The following SIRPA variants were observed in gnomAD, a reference collection of about 807,000 sequenced individuals.
The protein encoded by SIRPA is signal regulatory protein alpha.
Under a neutral mutation model 50.3 loss-of-function variants are expected in SIRPA, and 9 were observed. The observed-to-expected ratio is 0.18, with a 90% CI of 0.11 to 0.31. SIRPA has a LOEUF of 0.31. Among genes scored for constraint, SIRPA ranks in the 10% least tolerant of loss-of-function variants. The pLI, the probability that SIRPA is intolerant of heterozygous loss-of-function variation, is 1.00. For synonymous variants in SIRPA, 265 were observed against 284.1 expected, an observed-to-expected ratio of 0.93 and a Z score of 0.68; for missense variants, 474 against 661.6, an observed-to-expected ratio of 0.72 and a Z score of 3.11.
At chr20:1,906,137 TATC>T (rs1025450887) in intron 1 of SIRPA, among the ~76,000 whole-genome samples, 7 of 152,064 alleles carry the variant, frequency 4.6e-5, no homozygotes, top group Admixed American at 6.5e-5. Context: ...CTAGTATTGT[TATC>T]ATCATCATCA....
intron 5 of SIRPA, among the ~76,000 whole-genome samples, chr20:1,925,472 A>C (rs1199726653): frequency 1.3e-5 from 2 of 152,232 alleles, no homozygotes; most frequent in African/African-American, 4.8e-5. Flanking sequence ...CAAGGTGCAT[A>C]GCCTTTGACT....
intron 1 of SIRPA, among the ~76,000 whole-genome samples, chr20:1,904,057 AAG>A (rs1485128508): frequency 6.6e-6 from 1 of 152,154 alleles, no homozygotes; most frequent in East Asian, 1.9e-4. Flanking sequence ...CCCCCTTTTA[AAG>A]AGGAGGCTTG....
chr20:1,926,043 C>T (rs1379507130), intron 5 of SIRPA, among the ~76,000 whole-genome samples: 1 of 152,232 alleles, frequency 6.6e-6, no homozygotes, highest in Non-Finnish European at 1.5e-5. Context: ...TTTCTGTGGC[C>T]TGGCACAGCT....
intron 1 of SIRPA, among the ~76,000 whole-genome samples, chr20:1,907,577 G>A (rs1984620691): frequency 1.3e-5 from 2 of 152,194 alleles, no homozygotes; most frequent in South Asian, 2.1e-4. Flanking sequence ...TAGCTCAGGG[G>A]CCACCAGCTC....
upstream of SIRPA, among the ~76,000 whole-genome samples, chr20:1,895,070 C>G (rs971776607): frequency 6.6e-6 from 1 of 151,062 alleles, no homozygotes; most frequent in African/African-American, 2.4e-5. Context: ...GGTCTGCGCG[C>G]CGCCTCGCTC....
chr20:1,934,893 C>T lies in SIRPA; in HGVS notation c.1266+139C>T. 4 of 910,330 alleles carry T rather than the reference C, an allele frequency of 4.4e-6. No individual in the cohort carries two copies. The highest frequency in any genetic ancestry group is 3.0e-5 in the South Asian group (2 of 67,248). The allele number at this position is 910,330 out of a possible 1,614,324, so 56.4% of individuals were successfully genotyped here. On this transcript the variant is annotated intron_variant, in intron 7 of 7. Coordinates refer to ENST00000358771, the MANE Select transcript of SIRPA (RefSeq NM_001040023.2). This position sits in a 1 kb window ranked among gnomAD's most constrained non-coding sequence, Gnocchi z 4.6. ...GAGGATCTTACACTCCTAGCTTTCCCCATGTCCTGTGCATATTCCTTCTCT... is the reference window on the plus strand; with the variant it reads ...GAGGATCTTACACTCCTAGCTTTCCTCATGTCCTGTGCATATTCCTTCTCT...
chr20:1,931,502 G>A (rs568539116), intron 6 of SIRPA, among the ~76,000 whole-genome samples: 3 of 152,236 alleles, frequency 2.0e-5, no homozygotes, highest in Non-Finnish European at 2.9e-5. Flanking sequence ...TTTCCAGCGT[G>A]AGCCTACCAA....
At chr20:1,908,760 T>G (rs561699815) in intron 1 of SIRPA, among the ~76,000 whole-genome samples, 1 of 152,364 alleles carries the variant, frequency 6.6e-6, no homozygotes, top group South Asian at 2.1e-4. Flanking sequence ...TCCGCTTTAA[T>G]GTACACTCAT....
In SIRPA at chr20:1,933,412, G is replaced by A. The variant is rs75729987; in HGVS notation, c.1227-1303G>A. Among the ~76,000 whole-genome samples, 7 of 104,900 alleles carry A rather than the reference G, an allele frequency of 6.7e-5. No individual in the cohort carries two copies. The highest frequency in any genetic ancestry group is 1.8e-4 in the African/African-American group (5 of 27,166). 68.8% of individuals were successfully genotyped at this position (104,900 alleles called of 152,430 possible). On this transcript the variant is annotated intron_variant, in intron 6 of 7. Transcript: ENST00000358771. This position sits in a 1 kb window ranked among gnomAD's most constrained non-coding sequence, Gnocchi z 4.4. ...TAACATCAAATGCCACCCCCCCCCC[G>A]AAATATCTGGTGGGCAGATGAGTGG... is the stretch of plus-strand genomic sequence containing the variant.
At chr20:1,923,763 G>T (rs1388715365) in intron 4 of SIRPA, among the ~76,000 whole-genome samples, 1 of 152,218 alleles carries the variant, frequency 6.6e-6, no homozygotes, top group African/African-American at 2.4e-5. Context: ...TGCATACTTG[G>T]CTGTGTGACC....
intron 2 of SIRPA, among the ~76,000 whole-genome samples, chr20:1,916,387 G>T (rs1985297872): frequency 6.6e-6 from 1 of 152,176 alleles, no homozygotes; most frequent in Non-Finnish European, 1.5e-5. Context: ...CCCAGTTAGT[G>T]ACAGGATCTG....
chr20:1,920,026 C>T (rs1404589399), intron 2 of SIRPA, among the ~76,000 whole-genome samples: 2 of 152,192 alleles, frequency 1.3e-5, no homozygotes, highest in Non-Finnish European at 2.9e-5. Context: ...ATACCAGGCT[C>T]TGTGCTTGCA....
chr20:1,896,049 G>GTGTT (rs1370635652), intron 1 of SIRPA, among the ~76,000 whole-genome samples: 5 of 152,352 alleles, frequency 3.3e-5, no homozygotes, highest in African/African-American at 9.6e-5. Context: ...GAGTAAACCG[G>GTGTT]TGTTAGTGTG....
chr20:1,928,266 T>C lies in SIRPA; in HGVS notation c.1226+367T>C, dbSNP rs1986108723. ...GTTGTATACTTTACTCTTTCCTTTG[T>C]TTAGTAAATATTTATTGAGTACCTT... On this transcript the variant is annotated intron_variant, in intron 6 of 7. Coordinates refer to ENST00000358771, the MANE Select transcript of SIRPA (RefSeq NM_001040023.2). This position sits in a 1 kb window ranked among gnomAD's most constrained non-coding sequence, Gnocchi z 4.9. Among the ~76,000 whole-genome samples, 1 of 152,164 alleles carries C rather than the reference T, an allele frequency of 6.6e-6. No individual in the cohort carries two copies. The highest frequency in any genetic ancestry group is 2.1e-4 in the South Asian group (1 of 4,824).
Position 1,937,522 on chromosome 20 carries a change from A to G in SIRPA, c.1469A>G (p.Glu490Gly). The change falls in exon 8 of 8, where the codon GAG (glutamate) becomes GGG (glycine). Residue 490 changes from glutamate to glycine, a missense_variant. Around this residue, in one of 4 missense-constraint regions of SIRPA, gnomAD observed 180 missense variants for 206.7 expected, o/e 0.87. Transcript: ENST00000358771. This position sits in a 1 kb window ranked among gnomAD's most constrained non-coding sequence, Gnocchi z 8.3. ...CCCAAGCAGCCGGCCCCCAAGCCTGAGCCGTCCTTCTCAGAGTACGCCAGC... is the reference window on the plus strand; with the variant it reads ...CCCAAGCAGCCGGCCCCCAAGCCTGGGCCGTCCTTCTCAGAGTACGCCAGC... ...RTPKQPAPKP[E>G]PSFSEYASVQ... The G allele has an allele frequency of 6.2e-7, 1 of 1,614,140 alleles. No homozygotes were observed. The highest frequency in any genetic ancestry group is 1.1e-5 in the South Asian group (1 of 91,080).
Position 1,927,152 on chromosome 20 carries a change from C to T in SIRPA, c.1202-723C>T, listed in dbSNP as rs1376611351. 6.6e-6 allele frequency among the ~76,000 whole-genome samples: 1 copy of T among 152,252 alleles called. No homozygotes were observed. The highest frequency in any genetic ancestry group is 6.5e-5 in the Admixed American group (1 of 15,288). On this transcript the variant is annotated intron_variant, in intron 5 of 7. Transcript: ENST00000358771. This position sits in a 1 kb window ranked among gnomAD's most constrained non-coding sequence, Gnocchi z 6.5. Reference sequence around the variant, plus strand: ...GCAAGAATTCTTGCACTGTGGCAGCCTCCAGCCTATTAAAGTGCGGTGCAG... The same window carrying T: ...GCAAGAATTCTTGCACTGTGGCAGCTTCCAGCCTATTAAAGTGCGGTGCAG...
At chr20:1,896,888 T>C (rs1983865828) in intron 1 of SIRPA, among the ~76,000 whole-genome samples, 1 of 151,628 alleles carries the variant, frequency 6.6e-6, no homozygotes, top group African/African-American at 2.4e-5. Context: ...TCCTATCTGC[T>C]CCTTCCTGCC....
upstream of SIRPA, chr20:1,894,745 G>A (rs144272672): frequency 6.7e-6 from 1 of 148,314 alleles, no homozygotes; most frequent in African/African-American, 2.4e-5. The surrounding 1 kb of genome is among the most constrained non-coding windows in gnomAD (Gnocchi z 4.0). Flanking sequence ...GCAGCTCGCA[G>A]CCCTCGCTCC....
In SIRPA at chr20:1,937,403, C is replaced by T. The variant is rs1986641583; in HGVS notation, c.1350C>T (p.His450=). The T allele has an allele frequency of 1.9e-6, 3 of 1,614,152 alleles. No homozygotes were observed. Among genetic ancestry groups the T allele is most frequent in the African/African-American group, 2.7e-5 (2 of 75,020 alleles). The part of the protein sequence containing the change: ...PAPQAAEPNN[H]TEYASIQTSP... ...CCCAGGCTGCGGAGCCCAACAACCACACGGAGTATGCCAGCATTCAGACCA... is the reference window on the plus strand; with the variant it reads ...CCCAGGCTGCGGAGCCCAACAACCATACGGAGTATGCCAGCATTCAGACCA... The change falls in exon 8 of 8, where the codon CAC becomes CAT. Residue 450 remains histidine (H), a synonymous_variant. Coordinates refer to ENST00000358771, the MANE Select transcript of SIRPA (RefSeq NM_001040023.2). The surrounding 1 kb of genome is among the most constrained non-coding windows in gnomAD (Gnocchi z 8.3).
Sources: allele counts gnomAD v4.1 joint callset (sites outside exome capture counted in the v4.1 genomes callset), GRCh38; gene constraint gnomAD v4.1.1; regional missense constraint gnomAD v4.1.1; non-coding constraint Gnocchi (gnomAD v3.1); transcripts MANE v1.5; gene names NCBI Gene and HGNC (gene_info 2026-07-23, HGNC 2026-07-21).